The following HMGN5 variants were observed in gnomAD, a reference collection of about 807,000 sequenced individuals.
The protein encoded by HMGN5 is high mobility group nucleosome-binding domain-containing protein 5.
HMGN5 carries 4 observed loss-of-function variants against 9.5 expected under a neutral mutation model. That is an observed-to-expected ratio of 0.42 (90% CI 0.21 to 0.96). The LOEUF is 0.96. Among genes scored for constraint, HMGN5 ranks in the 40% least tolerant of loss-of-function variants. HMGN5 has a pLI of 0.30. For missense variants in HMGN5, 192 were observed against 187.5 expected, an observed-to-expected ratio of 1.02 and a Z score of -0.14; for synonymous variants, 55 against 57.1, an observed-to-expected ratio of 0.96 and a Z score of 0.16.
At chrX:81,199,507 C>A (rs1265084383) in intron 1 of HMGN5, among the ~76,000 whole-genome samples, 1 of 111,241 alleles carries the variant, frequency 9.0e-6, no homozygotes, top group Non-Finnish European at 1.9e-5. Context: ...ACCAAAACAG[C>A]ATGGTAGTGG....
chrX:81,176,737 G>C (rs1156988696), intron 1 of HMGN5, among the ~76,000 whole-genome samples: 1 of 111,369 alleles, frequency 9.0e-6, no homozygotes, highest in Non-Finnish European at 1.9e-5. Context: ...AGAGGAAAAA[G>C]AGTAAAAACA....
At chrX:81,145,741 T>C (rs2075341769) in intron 1 of HMGN5, among the ~76,000 whole-genome samples, 1 of 111,401 alleles carries the variant, frequency 9.0e-6, no homozygotes, top group South Asian at 3.8e-4. Context: ...ATCTGTGTGC[T>C]GTATTCAGGA....
intron 1 of HMGN5, among the ~76,000 whole-genome samples, chrX:81,167,399 T>C (rs2075413824): frequency 9.1e-6 from 1 of 110,487 alleles, no homozygotes; most frequent in Non-Finnish European, 1.9e-5. Flanking sequence ...TTATTTTGAC[T>C]ACTATCCACA....
At chrX:81,164,171 A>G (rs544539115) in intron 1 of HMGN5, among the ~76,000 whole-genome samples, 1 of 111,944 alleles carries the variant, frequency 8.9e-6, no homozygotes, top group South Asian at 3.7e-4. Context: ...TAACAGAGCT[A>G]TTTTTAAAGT....
chrX:81,177,349 T>C (rs1195998156), intron 1 of HMGN5, among the ~76,000 whole-genome samples: 1 of 43,706 alleles, frequency 2.3e-5, no homozygotes, highest in Admixed American at 3.9e-4. Context: ...GAGGAAGATC[T>C]ACCAAGCAAA....
chrX:81,155,952 T>C (rs1161149912), intron 1 of HMGN5, among the ~76,000 whole-genome samples: 3 of 111,815 alleles, frequency 2.7e-5, no homozygotes, highest in Non-Finnish European at 5.6e-5. Context: ...GGTCAGAGGA[T>C]TGTCTCTTGT....
intron 5 of HMGN5, among the ~76,000 whole-genome samples, chrX:81,117,260 G>GT (rs72026372): frequency 0.28 from 21,921 of 79,633 alleles, 3,395 homozygotes; most frequent in African/African-American, 0.42. Flanking sequence ...TTTTTTTTCC[G>GT]TTTTTTTTTT....
chrX:81,133,435 C>G (rs1172632122), intron 1 of HMGN5, among the ~76,000 whole-genome samples: 2 of 111,309 alleles, frequency 1.8e-5, no homozygotes, highest in African/African-American at 6.5e-5. Context: ...CTATTCACAA[C>G]AGCAAAGACA....
At chrX:81,127,430 A>G (rs1362899024) in intron 1 of HMGN5, among the ~76,000 whole-genome samples, 1 of 112,048 alleles carries the variant, frequency 8.9e-6, no homozygotes. Flanking sequence ...GTTGTGTGTT[A>G]GAAACCAACA....
At chrX:81,142,843 C>T (rs2075333348) in intron 1 of HMGN5, among the ~76,000 whole-genome samples, 1 of 111,403 alleles carries the variant, frequency 9.0e-6, no homozygotes, top group Non-Finnish European at 1.9e-5. Flanking sequence ...AACACCATAA[C>T]TGTGGTGTGT....
At chrX:81,154,007 A>T (rs2075376300) in intron 1 of HMGN5, among the ~76,000 whole-genome samples, 1 of 108,540 alleles carries the variant, frequency 9.2e-6, no homozygotes, top group African/African-American at 3.5e-5. Flanking sequence ...TCACAGAAAT[A>T]GAAAAAAATT....
intron 1 of HMGN5, among the ~76,000 whole-genome samples, chrX:81,188,617 C>T (rs905761430): frequency 3.7e-5 from 4 of 109,393 alleles, no homozygotes; most frequent in African/African-American, 1.3e-4. Flanking sequence ...CTAACGCTAT[C>T]CCTCCCCCCT....
intron 1 of HMGN5, among the ~76,000 whole-genome samples, chrX:81,171,621 C>A (rs1240834376): frequency 2.7e-5 from 3 of 111,410 alleles, no homozygotes; most frequent in Non-Finnish European, 5.7e-5. Flanking sequence ...TAGAAATATC[C>A]GTGGTTTTCC....
At position 81,131,892 on chromosome X, in the gene HMGN5, G is replaced by C. The variant is rs1004189145; in HGVS notation, c.-123-10220C>G. On this transcript the variant is annotated intron_variant, in intron 1 of 6. Coordinates refer to ENST00000358130, the MANE Select transcript of HMGN5 (RefSeq NM_030763.3). The stretch of plus-strand genomic sequence containing the variant: ...AATCAGGCAAGAGAAAGAAATAAAG[G>C]GCATTCAAATAGGAAGAGAGGAAGT... Among the ~76,000 whole-genome samples the C allele has an allele frequency of 1.4e-4, 15 of 110,917 alleles. No individual in the cohort carries two copies. In the East Asian group the frequency reaches 4.0e-3, roughly 29 times the overall value.
At chrX:81,183,843 C>A (rs1475662457) in intron 1 of HMGN5, among the ~76,000 whole-genome samples, 3 of 105,896 alleles carry the variant, frequency 2.8e-5, no homozygotes, top group Admixed American at 1.0e-4. Context: ...GATGATTTCT[C>A]CCTTTTGAAA....
chrX:81,190,480 T>C (rs926076633), intron 1 of HMGN5, among the ~76,000 whole-genome samples: 2 of 111,001 alleles, frequency 1.8e-5, no homozygotes, highest in African/African-American at 6.6e-5. Flanking sequence ...ACCCCTCTAT[T>C]CTTCCCAAAC....
chrX:81,120,430 T>C (rs1322650440), intron 2 of HMGN5, among the ~76,000 whole-genome samples: 1 of 111,197 alleles, frequency 9.0e-6, no homozygotes, highest in African/African-American at 3.3e-5. Flanking sequence ...TGCACAAGTA[T>C]AGAAAAGCAC....
intron 1 of HMGN5, among the ~76,000 whole-genome samples, chrX:81,176,386 A>T (rs1002655074): frequency 9.0e-6 from 1 of 111,705 alleles, no homozygotes; most frequent in Non-Finnish European, 1.9e-5. Context: ...TCTCCTCCAA[A>T]GGATCACAGT....
chrX:81,129,790 C>T (rs970055224), intron 1 of HMGN5, among the ~76,000 whole-genome samples: 1 of 110,839 alleles, frequency 9.0e-6, no homozygotes, highest in Non-Finnish European at 1.9e-5. Flanking sequence ...CTTCAGGTAA[C>T]GAAGTTGAGG....
Sources: allele counts gnomAD v4.1 joint callset (sites outside exome capture counted in the v4.1 genomes callset), GRCh38; gene constraint gnomAD v4.1.1; transcripts MANE v1.5; gene names NCBI Gene and HGNC (gene_info 2026-07-23, HGNC 2026-07-21).